STK32B: variants seen among roughly 807,000 people sequenced by gnomAD.
STK32B encodes serine/threonine kinase 32B, also known as serine/threonine-protein kinase 32B.
In STK32B, 43 loss-of-function variants were observed where a neutral mutation model predicts 52.6. That is an observed-to-expected ratio of 0.82 (90% CI 0.64 to 1.05). The LOEUF (loss-of-function observed/expected upper bound fraction) is 1.05. Ranked by LOEUF, STK32B falls within the 50% of genes least tolerant of loss-of-function variation. The pLI is 0.00. For missense variants in STK32B, 621 were observed against 534.6 expected (o/e 1.16, Z -1.59); for synonymous variants, 238 against 204.3 (o/e 1.17, Z -1.41).
At chr4:5,482,779 A>G (rs568336118) in intron 11 of STK32B, among the ~76,000 whole-genome samples, 2 of 152,248 alleles carry the variant, frequency 1.3e-5, no homozygotes, top group African/African-American at 4.8e-5. Context: ...CTAATTCATT[A>G]AGAGTTTTCA....
intron 2 of STK32B, among the ~76,000 whole-genome samples, chr4:5,159,795 A>G (rs1266740821): frequency 6.8e-6 from 1 of 145,998 alleles, no homozygotes; most frequent in African/African-American, 2.6e-5. Flanking sequence ...ATGAATATAT[A>G]TATGAATATA....
chr4:5,091,533 T>G (rs150683333), intron 1 of STK32B, among the ~76,000 whole-genome samples: 1 of 152,138 alleles, frequency 6.6e-6, no homozygotes, highest in Non-Finnish European at 1.5e-5. Context: ...ATACACTACT[T>G]CATACTCAAT....
intron 3 of STK32B, among the ~76,000 whole-genome samples, chr4:5,188,776 C>CTTTTTT (rs1344183588): frequency 8.9e-6 from 1 of 112,902 alleles, no homozygotes. Flanking sequence ...TAACTGCCAT[C>CTTTTTT]TTTTTTTTTT....
intron 1 of STK32B, among the ~76,000 whole-genome samples, chr4:5,067,779 T>C (rs958210194): frequency 2.0e-5 from 3 of 152,102 alleles, no homozygotes; most frequent in Non-Finnish European, 4.4e-5. Context: ...ACAGGAAGCA[T>C]GATGGCTTCT....
At chr4:5,241,361 T>A (rs185280665) in intron 3 of STK32B, among the ~76,000 whole-genome samples, 2 of 152,136 alleles carry the variant, frequency 1.3e-5, no homozygotes, top group African/African-American at 4.8e-5. Flanking sequence ...CAAAAACTTA[T>A]GTAAATTGCA....
At chr4:5,202,011 C>G (rs1401048920) in intron 3 of STK32B, among the ~76,000 whole-genome samples, 1 of 152,210 alleles carries the variant, frequency 6.6e-6, no homozygotes, top group Admixed American at 6.5e-5. Flanking sequence ...AGTCTTAACT[C>G]ATTCCAGCAT....
At chr4:5,196,318 C>T (rs1721651819) in intron 3 of STK32B, among the ~76,000 whole-genome samples, 1 of 146,574 alleles carries the variant, frequency 6.8e-6, no homozygotes, top group Admixed American at 6.9e-5. Flanking sequence ...CTTTCCTCTC[C>T]TCTCTTCTTT....
At chr4:5,203,834 GC>G (rs1474941568) in intron 3 of STK32B, among the ~76,000 whole-genome samples, 2 of 152,134 alleles carry the variant, frequency 1.3e-5, no homozygotes. Context: ...TACTTCAGGG[GC>G]CCGCCCTTGC....
intron 2 of STK32B, among the ~76,000 whole-genome samples, chr4:5,147,970 G>C (rs1202308195): frequency 1.3e-5 from 2 of 151,910 alleles, no homozygotes; most frequent in Non-Finnish European, 2.9e-5. Flanking sequence ...CTTGTGTAAA[G>C]TTGGTGTCAC....
At chr4:5,252,034 T>C (rs1725969111) in intron 3 of STK32B, among the ~76,000 whole-genome samples, 1 of 152,162 alleles carries the variant, frequency 6.6e-6, no homozygotes, top group Non-Finnish European at 1.5e-5. Flanking sequence ...CCTTGAACTT[T>C]TCCAACCTGA....
At chr4:5,138,208 C>G (rs1042363861) in intron 1 of STK32B, among the ~76,000 whole-genome samples, 1 of 152,234 alleles carries the variant, frequency 6.6e-6, no homozygotes, top group Non-Finnish European at 1.5e-5. Context: ...AACTCCGTCT[C>G]TCTATTCTAA....
intron 3 of STK32B, among the ~76,000 whole-genome samples, chr4:5,170,078 A>G (rs1349127143): frequency 6.6e-6 from 1 of 152,218 alleles, no homozygotes; most frequent in Non-Finnish European, 1.5e-5. Context: ...AAGCACAATA[A>G]GCCATCTAAT....
At chr4:5,405,938 G>C (rs1737630652) in intron 5 of STK32B, among the ~76,000 whole-genome samples, 1 of 152,032 alleles carries the variant, frequency 6.6e-6, no homozygotes, top group African/African-American at 2.4e-5. Flanking sequence ...CTTCCCAACA[G>C]TCCTCCAAAG....
At chr4:5,318,815 T>G (rs567320794) in intron 3 of STK32B, among the ~76,000 whole-genome samples, 115 of 152,172 alleles carry the variant, frequency 7.6e-4, no homozygotes, top group African/African-American at 2.5e-3. Flanking sequence ...ATTTTTTTTT[T>G]TTGAGACGGA....
Position 5,443,854 on chromosome 4 carries a change from C to A in STK32B, c.563-2819C>A, listed in dbSNP as rs1715045487. Among the ~76,000 whole-genome samples, 8 of 152,168 alleles carry A rather than the reference C, an allele frequency of 5.3e-5. No individual in the cohort carries two copies. In the South Asian group the frequency reaches 1.7e-3, roughly 32 times the overall value. Reference sequence around the variant, plus strand: ...CTCAGCTGCAGGTCTGTTGGAATACCCTGCCATGTGAGGTGTCAGTGTGCC... The same window carrying A: ...CTCAGCTGCAGGTCTGTTGGAATACACTGCCATGTGAGGTGTCAGTGTGCC... On this transcript the variant is annotated intron_variant, in intron 6 of 11. Transcript: ENST00000282908.
At chr4:5,094,733 C>A (rs1490514898) in intron 1 of STK32B, among the ~76,000 whole-genome samples, 1 of 152,138 alleles carries the variant, frequency 6.6e-6, no homozygotes, top group Non-Finnish European at 1.5e-5. Flanking sequence ...GGTAAGGCTG[C>A]CAGTCAACAG....
chr4:5,205,268 G>A (rs1560224377), intron 3 of STK32B, among the ~76,000 whole-genome samples: 1 of 152,262 alleles, frequency 6.6e-6, no homozygotes, highest in South Asian at 2.1e-4. Flanking sequence ...CACAACACTA[G>A]CTTTTCTGGT....
chr4:5,448,257 G>T (rs1365540633), intron 7 of STK32B, among the ~76,000 whole-genome samples: 1 of 152,182 alleles, frequency 6.6e-6, no homozygotes, highest in East Asian at 1.9e-4. Context: ...TGAATGAAAA[G>T]AATTAATGTC....
At chr4:5,159,252 A>G (rs1040170995) in intron 2 of STK32B, among the ~76,000 whole-genome samples, 1 of 152,056 alleles carries the variant, frequency 6.6e-6, no homozygotes, top group Non-Finnish European at 1.5e-5. Flanking sequence ...TTTGGAATCA[A>G]GTAACAAGCT....
Sources: gnomAD v4.1 joint callset for allele counts (sites outside exome capture counted in the v4.1 genomes callset) on GRCh38, gnomAD v4.1.1 for gene constraint, MANE v1.5 for transcripts, NCBI Gene and HGNC (gene_info 2026-07-23, HGNC 2026-07-21) for gene names.